The following MUC3A variants were observed in gnomAD, a reference collection of about 807,000 sequenced individuals.
MUC3A encodes mucin-3A.
In MUC3A, 109 loss-of-function variants were observed where a neutral mutation model predicts 109.0. The observed-to-expected ratio is 1.00, with a 90% CI of 0.86 to 1.17. The LOEUF is 1.17. Ranked by LOEUF, MUC3A falls within the 50% of genes most tolerant of loss-of-function variation. MUC3A has a pLI of 0.00. For synonymous variants in MUC3A, 1,398 were observed against 981.4 expected (o/e 1.42, Z -7.93); for missense variants, 3,537 against 2,469.4 (o/e 1.43, Z -9.16).
Position 100,959,645 on chromosome 7 carries a change from G to T in MUC3A, c.7866G>T (p.Thr2622=), listed in dbSNP as rs770324699. 4 of 1,598,516 alleles carry T rather than the reference G, an allele frequency of 2.5e-6. No homozygotes were observed. Among genetic ancestry groups the T allele is most frequent in the Middle Eastern group, 1.7e-4 (1 of 6,060 alleles). The change falls in exon 2 of 12, where the codon ACG becomes ACT. Residue 2622 remains threonine (T), a synonymous_variant. Coordinates refer to ENST00000379458, the MANE Select transcript of MUC3A (RefSeq NM_005960.2). ...TTACTCCATCAACAGCCTTGAGCAC[G>T]ATCGTGTCAACATCACAGGTTCCTA... ...HTLTPSTALS[T]IVSTSQVPIP...
At position 100,966,489 on chromosome 7, in the gene MUC3A, G is replaced by GTGCTGC. The variant is rs779098676; in HGVS notation, c.9724_9729dup (p.Leu3242_Leu3243dup). 1 of 1,320,372 alleles carries GTGCTGC rather than the reference G, an allele frequency of 7.6e-7. No homozygotes were observed. Among genetic ancestry groups the GTGCTGC allele is most frequent in the Admixed American group, 3.7e-5 (1 of 27,174 alleles). The allele number at this position is 1,320,372 out of a possible 1,614,324, so 81.8% of individuals were successfully genotyped here. A position where few individuals can be genotyped will look rare whatever the true frequency, so the allele number is the denominator to read the frequency against. ...CCTGACGGCCGGCGCCGCGCTGCTG[G>GTGCTGC]TGCTGCTGCTGCTGGCGCTGGGCGT... On this transcript the variant is annotated inframe_insertion, in exon 9 of 12. Coordinates refer to ENST00000379458, the MANE Select transcript of MUC3A (RefSeq NM_005960.2).
chr7:100,965,224 C>T (rs1239218061), intron 6 of MUC3A, 58 bp from the exon 7 acceptor site: 1 of 1,585,738 alleles, frequency 6.3e-7, no homozygotes, highest in African/African-American at 1.3e-5. Context: ...GCGCTAACCC[C>T]TTGACCTTAA....
rs1792635605 is a variant in MUC3A at position 100,967,364 on chromosome 7, G to A, written c.*202G>A. 3 of 783,056 alleles carry A rather than the reference G, an allele frequency of 3.8e-6. No homozygotes were observed. The highest frequency in any genetic ancestry group is 6.0e-6 in the Non-Finnish European group (3 of 501,092). 48.5% of individuals were successfully genotyped at this position (783,056 alleles called of 1,614,324 possible). Reference sequence around the variant, plus strand: ...ACCTGGAGACGCAGTTCACGTCCAGGCTCTTCCACTGTGGAATCTTGGGCA... The same window carrying A: ...ACCTGGAGACGCAGTTCACGTCCAGACTCTTCCACTGTGGAATCTTGGGCA... On this transcript the variant is annotated 3_prime_UTR_variant, in exon 12 of 12. Coordinates refer to ENST00000379458, the MANE Select transcript of MUC3A (RefSeq NM_005960.2).
Position 100,966,483 on chromosome 7 carries a change from C to CTGCTGG in MUC3A, c.9715_9720dup (p.Val3239_Leu3240dup), listed in dbSNP as rs749610636. The CTGCTGG allele has an allele frequency of 1.9e-4, 245 of 1,316,302 alleles. No homozygotes were observed. The African/African-American group carries it at 3.3e-3, about 17-fold the overall frequency. The allele number at this position is 1,316,302 out of a possible 1,614,324, so 81.5% of individuals were successfully genotyped here. A position where few individuals can be genotyped will look rare whatever the true frequency, so the allele number is the denominator to read the frequency against. ...CGGGGGCCTGACGGCCGGCGCCGCG[C>CTGCTGG]TGCTGGTGCTGCTGCTGCTGGCGCT... On this transcript the variant is annotated inframe_insertion, in exon 9 of 12. Coordinates refer to ENST00000379458, the MANE Select transcript of MUC3A (RefSeq NM_005960.2).
At position 100,960,568 on chromosome 7, in the gene MUC3A, C is replaced by T. The variant is rs187498499; in HGVS notation, c.8789C>T (p.Pro2930Leu). 5.4e-5 allele frequency: 87 copies of T among 1,598,738 alleles called. No homozygotes were observed. The East Asian group carries it at 1.5e-3, about 27-fold the overall frequency. ...ACACCAGTGGCCACTACCCAGACTC[C>T]TACCACCCTTACATCACGCAGGACA... ...SETPVATTQT[P>L]TTLTSRRTTR... Residue 2930 changes from proline to leucine, a missense_variant, in exon 2 of 12, where the codon CCT (proline) becomes CTT (leucine). Transcript: ENST00000379458.
Position 100,959,839 on chromosome 7 carries a change from C to T in MUC3A, c.8060C>T (p.Thr2687Ile), listed in dbSNP as rs1792254725. 2.5e-6 allele frequency: 4 copies of T among 1,574,600 alleles called. No individual in the cohort carries two copies. Among genetic ancestry groups the T allele is most frequent in the Non-Finnish European group, 3.4e-6 (4 of 1,168,182 alleles). ...FSTIIWSSTP[T>I]IIMSSSPSSA... ...ACCATCATCTGGTCCTCAACACCCA[C>T]TATTATCATGTCCTCTTCTCCATCT... The change falls in exon 2 of 12, where the codon ACT (threonine) becomes ATT (isoleucine). Residue 2687 changes from threonine to isoleucine, a missense_variant. Transcript: ENST00000379458.
Position 100,959,208 on chromosome 7 carries a change from C to T in MUC3A, c.7429C>T (p.Pro2477Ser), listed in dbSNP as rs753744305. 13 of 1,598,512 alleles carry T rather than the reference C, an allele frequency of 8.1e-6. No homozygotes were observed. In the Middle Eastern group the frequency reaches 5.0e-4, roughly 61 times the overall value. ...TGCGGTGACTCCCACACCTGTAACC[C>T]CATCTTCTCTGAGTACAGACATCCC... ...ETAVTPTPVT[P>S]SSLSTDIPTT... Residue 2477 changes from proline (P) to serine (S), a missense_variant, in exon 2 of 12, where the codon CCA becomes TCA. Physicochemically the swap from Pro to Ser is moderately conservative, Grantham distance 74. Coordinates refer to ENST00000379458, the MANE Select transcript of MUC3A (RefSeq NM_005960.2).
chr7:100,957,065 C>A lies in MUC3A; in HGVS notation c.5286C>A (p.Pro1762=). 1 of 470,204 alleles carries A rather than the reference C, an allele frequency of 2.1e-6. No homozygotes were observed. Among genetic ancestry groups the A allele is most frequent in the Non-Finnish European group, 3.7e-6 (1 of 267,414 alleles). 29.1% of individuals were successfully genotyped at this position (470,204 alleles called of 1,614,324 possible). The change falls in exon 2 of 12, where the codon CCC becomes CCA. Residue 1762 remains proline, a synonymous_variant. Transcript: ENST00000379458. The stretch of plus-strand genomic sequence containing the variant: ...AAACAGCCGTGAGTTCTACTCCCCC[C>A]ATCACTTCTTCAATCACCTCCACAT... ...SFKTAVSSTP[P]ITSSITSTYT... is the part of the protein sequence containing the mutation.
intron 6 of MUC3A, chr7:100,965,060 G>GAC: frequency 9.7e-7 from 1 of 1,028,454 alleles, no homozygotes; most frequent in Non-Finnish European, 1.4e-6. Context: ...GATTGTCATG[G>GAC]TCAGCATTTC....
chr7:100,966,575 GCGGGGC>G lies in MUC3A; in HGVS notation c.9785+22_9785+27del. On this transcript the variant is annotated intron_variant, in intron 9 of 11. Coordinates refer to ENST00000379458, the MANE Select transcript of MUC3A (RefSeq NM_005960.2). ...GCCGAGGCCGGTGAGCGTGCGGGGG[GCGGGGC>G]CGGGGGGCGAGGGCAGCCAAGGGGT... 6 of 1,548,346 alleles carry G rather than the reference GCGGGGC, an allele frequency of 3.9e-6. No homozygotes were observed. The highest frequency in any genetic ancestry group is 5.2e-6 in the Non-Finnish European group (6 of 1,156,344).
intron 3 of MUC3A, 53 bp downstream of exon 3, chr7:100,960,990 C>T (rs1792309135): frequency 1.9e-6 from 3 of 1,597,860 alleles, no homozygotes. Context: ...GTGTCACTGA[C>T]TCTCCCCAGA....
At position 100,965,844 on chromosome 7, in the gene MUC3A, G is replaced by T; in HGVS notation, c.9589G>T (p.Glu3197Ter). Residue 3197 changes from glutamate (E) to a stop codon, truncating the protein, a stop_gained, in exon 8 of 12, where the codon GAG becomes TAG. Transcript: ENST00000379458. LOFTEE classifies it high-confidence loss of function. The stretch of plus-strand genomic sequence containing the variant: ...CTGTCACCAGGGCCAGTGCGTTCTG[G>T]AGACGAGCGGTCCCACGTGTCGGTA... ...IDCHQGQCVLETSGPTCRCYS... is the reference protein window; with the variant it reads ...IDCHQGQCVL 1 of 1,595,286 alleles carries T rather than the reference G, an allele frequency of 6.3e-7. No individual in the cohort carries two copies. Among genetic ancestry groups the T allele is most frequent in the South Asian group, 1.1e-5 (1 of 90,810 alleles).
At chr7:100,965,065 C>A in intron 6 of MUC3A, 3 of 1,115,616 alleles carry the variant, frequency 2.7e-6, no homozygotes, top group Non-Finnish European at 3.8e-6. Flanking sequence ...TCATGGTCAG[C>A]ATTTCCCGGA....
chr7:100,959,214 T>A lies in MUC3A; in HGVS notation c.7435T>A (p.Ser2479Thr), dbSNP rs779034433. 1 of 1,598,512 alleles carries A rather than the reference T, an allele frequency of 6.3e-7. No homozygotes were observed. The highest frequency in any genetic ancestry group is 8.5e-7 in the Non-Finnish European group (1 of 1,179,808). The change falls in exon 2 of 12, where the codon TCT becomes ACT. Residue 2479 changes from serine to threonine, a missense_variant. Physicochemically the swap from Ser to Thr is moderately conservative, Grantham distance 58. Coordinates refer to ENST00000379458, the MANE Select transcript of MUC3A (RefSeq NM_005960.2). Reference sequence around the variant, plus strand: ...GACTCCCACACCTGTAACCCCATCTTCTCTGAGTACAGACATCCCGACCAC... The same window carrying A: ...GACTCCCACACCTGTAACCCCATCTACTCTGAGTACAGACATCCCGACCAC... ...AVTPTPVTPS[S>T]LSTDIPTTSL...
chr7:100,950,758 A>G (rs1791912275), intron 1 of MUC3A, among the ~76,000 whole-genome samples: 1 of 152,306 alleles, frequency 6.6e-6, no homozygotes, highest in Admixed American at 6.5e-5. Flanking sequence ...ATGCTTGTAA[A>G]CTAATGAATC....
Position 100,957,868 on chromosome 7 carries a change from T to C in MUC3A, c.6089T>C (p.Ile2030Thr), listed in dbSNP as rs1792144004. Residue 2030 changes from isoleucine to threonine, a missense_variant, in exon 2 of 12, where the codon ATC (isoleucine) becomes ACC (threonine). Ile to Thr is a moderately conservative substitution (Grantham distance 89). Coordinates refer to ENST00000379458, the MANE Select transcript of MUC3A (RefSeq NM_005960.2). Reference sequence around the variant, plus strand: ...AATACTCCCAGCTTGACTTCTTCGATCACAACCACCGAGACCACATCCCAT... The same window carrying C: ...AATACTCCCAGCTTGACTTCTTCGACCACAACCACCGAGACCACATCCCAT... ...SHNTPSLTSS[I>T]TTTETTSHST... The C allele has an allele frequency of 3.9e-6, 3 of 774,202 alleles. No individual in the cohort carries two copies. Among genetic ancestry groups the C allele is most frequent in the African/African-American group, 3.5e-5 (2 of 56,694 alleles). The allele number at this position is 774,202 out of a possible 1,614,324, so 48.0% of individuals were successfully genotyped here.
In MUC3A at chr7:100,965,368, T is replaced by C. The variant is rs777306384; in HGVS notation, c.9448+21T>C. ...GGCAGGTAAGGGTGGGGTAAAGGGC[T>C]GAGTGGTCTCCCGCGGCTATGATCC... is the stretch of plus-strand genomic sequence containing the variant. On this transcript the variant is annotated intron_variant, in intron 7 of 11. Coordinates refer to ENST00000379458, the MANE Select transcript of MUC3A (RefSeq NM_005960.2). 3 of 1,595,784 alleles carry C rather than the reference T, an allele frequency of 1.9e-6. No individual in the cohort carries two copies. In the East Asian group the frequency reaches 6.7e-5, roughly 36 times the overall value.
Position 100,952,363 on chromosome 7 carries a change from C to T in MUC3A, c.584C>T (p.Ala195Val). Residue 195 changes from alanine to valine, a missense_variant, in exon 2 of 12, where the codon GCA becomes GTA. Ala to Val is a moderately conservative substitution (Grantham distance 64, BLOSUM62 0). Coordinates refer to ENST00000379458, the MANE Select transcript of MUC3A (RefSeq NM_005960.2). ...AMTSSPSTTT[A>V]RETPIVTVTP... ...ACATCTTCTCCCTCTACCACCACTG[C>T]AAGGGAAACTCCCATAGTGACAGTG... 1 of 1,598,522 alleles carries T rather than the reference C, an allele frequency of 6.3e-7. No homozygotes were observed. The highest frequency in any genetic ancestry group is 1.1e-5 in the South Asian group (1 of 91,090).
At position 100,957,912 on chromosome 7, in the gene MUC3A, T is replaced by A; in HGVS notation, c.6133T>A (p.Ser2045Thr). Residue 2045 changes from serine to threonine, a missense_variant, in exon 2 of 12, where the codon TCT becomes ACT. Ser to Thr is a moderately conservative substitution (Grantham distance 58, BLOSUM62 1). Coordinates refer to ENST00000379458, the MANE Select transcript of MUC3A (RefSeq NM_005960.2). ...ATCCCATAGTACTCCCAGCTTCACT[T>A]CTTCGATCACCACCGAGACCACATC... ...TTSHSTPSFT[S>T]SITTETTSHS... The A allele has an allele frequency of 6.4e-6, 5 of 782,370 alleles. No individual in the cohort carries two copies. Among genetic ancestry groups the A allele is most frequent in the Admixed American group, 1.8e-5 (1 of 57,054 alleles). The allele number at this position is 782,370 out of a possible 1,614,324, so 48.5% of individuals were successfully genotyped here. A position where few individuals can be genotyped will look rare whatever the true frequency, so the allele number is the denominator to read the frequency against.
Sources: gnomAD v4.1 joint callset for allele counts (sites outside exome capture counted in the v4.1 genomes callset) on GRCh38, gnomAD v4.1.1 for gene constraint, MANE v1.5 for transcripts, NCBI Gene and HGNC (gene_info 2026-07-23, HGNC 2026-07-21) for gene names.